UMAD1: variants seen among roughly 807,000 people sequenced by gnomAD.
UMAD1 encodes UBAP1-MVB12-associated (UMA)-domain containing protein 1.
A neutral mutation model predicts 6.1 loss-of-function variants in UMAD1; 8 were observed. The ratio of observed to expected loss-of-function variants is 1.30; its 90% CI spans 0.76 to 2.35. The LOEUF (loss-of-function observed/expected upper bound fraction) is 2.35, where lower values mean the gene tolerates loss of function less well. UMAD1 is among the 30% of genes most tolerant of loss of function. UMAD1 has a pLI of 0.00. For synonymous variants in UMAD1, 56 were observed against 31.4 expected (o/e 1.78, Z -2.61); for missense variants, 130 against 78.4 (o/e 1.66, Z -2.49).
rs573583425 is a variant in UMAD1 at position 7,878,482 on chromosome 7, C to G, written c.*944C>G. On this transcript the variant is annotated 3_prime_UTR_variant, in exon 4 of 4. Transcript: ENST00000682710. Reference sequence around the variant, plus strand: ...AACTCATTTCCAATTAGAGTATAGGCAGAACACCTAGATATGACTTTTAGT... The same window carrying G: ...AACTCATTTCCAATTAGAGTATAGGGAGAACACCTAGATATGACTTTTAGT... 1.3e-5 allele frequency: 2 copies of G among 152,262 alleles called. No homozygotes were observed. The highest frequency in any genetic ancestry group is 3.9e-4 in the East Asian group (2 of 5,184). The allele number at this position is 152,262 out of a possible 1,614,324, so 9.4% of individuals were successfully genotyped here. A position where few individuals can be genotyped will look rare whatever the true frequency, so the allele number is the denominator to read the frequency against.
chr7:7,806,008 C>T (rs1021291560), intron 3 of UMAD1, among the ~76,000 whole-genome samples: 2 of 152,176 alleles, frequency 1.3e-5, no homozygotes, highest in African/African-American at 2.4e-5. Context: ...GCTAACTGAT[C>T]ATCTAGATTT....
At chr7:7,650,936 G>T (rs1785210814) in intron 1 of UMAD1, among the ~76,000 whole-genome samples, 1 of 152,120 alleles carries the variant, frequency 6.6e-6, no homozygotes. Context: ...TTAATGTATA[G>T]TCAGATTTGT....
intron 2 of UMAD1, among the ~76,000 whole-genome samples, chr7:7,779,832 C>T (rs552171115): frequency 3.9e-4 from 59 of 152,156 alleles, no homozygotes; most frequent in African/African-American, 1.4e-3. Flanking sequence ...TTTGTAGAGA[C>T]GGGATTTTAC....
chr7:7,678,168 G>A (rs1348262179), intron 2 of UMAD1, among the ~76,000 whole-genome samples: 1 of 151,714 alleles, frequency 6.6e-6, no homozygotes, highest in Non-Finnish European at 1.5e-5. Context: ...CTCCATACTG[G>A]TCTTCATACT....
intron 2 of UMAD1, among the ~76,000 whole-genome samples, chr7:7,745,895 C>T (rs747119762): frequency 6.6e-6 from 1 of 152,046 alleles, no homozygotes; most frequent in Non-Finnish European, 1.5e-5. Context: ...TTTCTTTTCT[C>T]TTTCCTTATC....
chr7:7,818,985 G>T (rs959517020), intron 3 of UMAD1, among the ~76,000 whole-genome samples: 4 of 152,080 alleles, frequency 2.6e-5, no homozygotes, highest in African/African-American at 9.7e-5. Context: ...AAGTAGCTGG[G>T]ATTGCAGATG....
chr7:7,848,197 C>A (rs913158633), intron 3 of UMAD1, among the ~76,000 whole-genome samples: 2 of 152,126 alleles, frequency 1.3e-5, no homozygotes, highest in African/African-American at 4.8e-5. Flanking sequence ...ATTTTTCCCT[C>A]AAATAACTGA....
At chr7:7,737,916 C>T (rs1466758718) in intron 2 of UMAD1, among the ~76,000 whole-genome samples, 1 of 152,276 alleles carries the variant, frequency 6.6e-6, no homozygotes, top group East Asian at 1.9e-4. Context: ...CTTGCATACA[C>T]TAAGTCAATA....
At chr7:7,861,298 A>G (rs991895661) in intron 3 of UMAD1, among the ~76,000 whole-genome samples, 7 of 152,234 alleles carry the variant, frequency 4.6e-5, no homozygotes, top group Non-Finnish European at 1.0e-4. Flanking sequence ...TAGCCATGAA[A>G]TGAAATAATA....
At chr7:7,747,662 G>A (rs1196520271) in intron 2 of UMAD1, among the ~76,000 whole-genome samples, 1 of 152,166 alleles carries the variant, frequency 6.6e-6, no homozygotes. Flanking sequence ...CAAACATGGA[G>A]GTTTTTGGTC....
intron 2 of UMAD1, among the ~76,000 whole-genome samples, chr7:7,713,475 C>G (rs986859537): frequency 2.0e-5 from 3 of 151,972 alleles, no homozygotes; most frequent in Non-Finnish European, 4.4e-5. Flanking sequence ...CTCCTCCCCC[C>G]CATGGCAATA....
intron 1 of UMAD1, among the ~76,000 whole-genome samples, chr7:7,664,232 A>G (rs1779375219): frequency 6.6e-6 from 1 of 151,996 alleles, no homozygotes; most frequent in East Asian, 1.9e-4. Flanking sequence ...TCATAATACC[A>G]CTTTTCCATA....
intron 1 of UMAD1, among the ~76,000 whole-genome samples, chr7:7,658,182 G>C (rs1420265567): frequency 2.0e-5 from 3 of 152,248 alleles, no homozygotes; most frequent in Non-Finnish European, 4.4e-5. Context: ...ATTTGCTGAA[G>C]TTGCTTATCA....
intron 2 of UMAD1, among the ~76,000 whole-genome samples, chr7:7,730,546 G>T (rs1781227341): frequency 6.6e-6 from 1 of 152,100 alleles, no homozygotes; most frequent in Non-Finnish European, 1.5e-5. Flanking sequence ...TCTTAATCTA[G>T]AGAAAAACAA....
chr7:7,729,040 A>C (rs1161856016), intron 2 of UMAD1, among the ~76,000 whole-genome samples: 1 of 152,218 alleles, frequency 6.6e-6, no homozygotes, highest in Non-Finnish European at 1.5e-5. Context: ...TGGAAGATTG[A>C]GTAAGGCTTC....
At position 7,830,784 on chromosome 7, in the gene UMAD1, C is replaced by T. The variant is rs75934001; in HGVS notation, c.156+29041C>T. 3.7e-3 allele frequency among the ~76,000 whole-genome samples: 561 copies of T among 152,156 alleles called. 3 individuals carry two copies. Among genetic ancestry groups the T allele is most frequent in the African/African-American group, 0.013 (528 of 41,520 alleles). ...CTAAGTTCTATGAATCTTTACTTGC[C>T]GATCTTGTATCTTTCAGTACTGGAT... is the stretch of plus-strand genomic sequence containing the variant. On this transcript the variant is annotated intron_variant, in intron 3 of 3. Transcript: ENST00000682710. The surrounding 1 kb of genome is among the most constrained non-coding windows in gnomAD (Gnocchi z 5.3).
chr7:7,747,253 A>G (rs776683810), intron 2 of UMAD1, among the ~76,000 whole-genome samples: 2 of 152,192 alleles, frequency 1.3e-5, no homozygotes, highest in Non-Finnish European at 1.5e-5. Flanking sequence ...AAAAGGCCCC[A>G]CTACAGTTAA....
chr7:7,803,139 C>T (rs1782836199), intron 3 of UMAD1, among the ~76,000 whole-genome samples: 2 of 152,170 alleles, frequency 1.3e-5, no homozygotes, highest in African/African-American at 4.8e-5. Flanking sequence ...AGAAAAATGT[C>T]CATCTTATAT....
chr7:7,703,092 G>A (rs911598788), intron 2 of UMAD1, among the ~76,000 whole-genome samples: 1 of 152,080 alleles, frequency 6.6e-6, no homozygotes, highest in Non-Finnish European at 1.5e-5. Flanking sequence ...GAACTTCCTT[G>A]CCAAACCTTC....
Sources: gnomAD v4.1 joint callset for allele counts (sites outside exome capture counted in the v4.1 genomes callset) on GRCh38, gnomAD v4.1.1 for gene constraint, Gnocchi (gnomAD v3.1) non-coding constraint, MANE v1.5 for transcripts, NCBI Gene and HGNC (gene_info 2026-07-23, HGNC 2026-07-21) for gene names.